The following IFNAR2 variants were observed in gnomAD, a reference collection of about 807,000 sequenced individuals.
IFNAR2 encodes interferon alpha and beta receptor subunit 2.
In IFNAR2, 30 loss-of-function variants were observed where a neutral mutation model predicts 49.4. That is an observed-to-expected ratio of 0.61 (90% confidence interval 0.45 to 0.82). IFNAR2 has a LOEUF of 0.82. Among genes scored for constraint, IFNAR2 ranks in the 40% least tolerant of loss-of-function variants. IFNAR2 has a pLI of 0.00. For synonymous variants in IFNAR2, 224 were observed against 234.5 expected, an observed-to-expected ratio of 0.96 and a Z score of 0.41; for missense variants, 600 against 622.7, an observed-to-expected ratio of 0.96 and a Z score of 0.39.
chr21:33,245,119 C>T, intron 4 of IFNAR2, 45 bp downstream of exon 4: 1 of 1,404,958 alleles, frequency 7.1e-7, no homozygotes, highest in Non-Finnish European at 1.0e-6. Context: ...TATTATTGTT[C>T]TGTTATATGG....
intron 1 of IFNAR2, among the ~76,000 whole-genome samples, chr21:33,233,603 C>T (rs2035255885): frequency 1.3e-5 from 2 of 152,076 alleles, no homozygotes; most frequent in Admixed American, 1.3e-4. Context: ...AAATGCCAGA[C>T]TATGATGGTT....
At chr21:33,234,886 A>G (rs754488542) in intron 1 of IFNAR2, 14 of 222,652 alleles carry the variant, frequency 6.3e-5, no homozygotes, top group Non-Finnish European at 8.3e-5. Flanking sequence ...TGGCTACTCC[A>G]TAGGCAGAGC....
At chr21:33,249,553 C>G (rs1987697919) in intron 6 of IFNAR2, among the ~76,000 whole-genome samples, 1 of 152,108 alleles carries the variant, frequency 6.6e-6, no homozygotes, top group Admixed American at 6.6e-5. Context: ...AGTGGCTTAT[C>G]TGGCAGGTTC....
At chr21:33,258,274 C>T (rs1431107305) in intron 7 of IFNAR2, among the ~76,000 whole-genome samples, 1 of 152,126 alleles carries the variant, frequency 6.6e-6, no homozygotes, top group East Asian at 1.9e-4. Flanking sequence ...CACTGTACTC[C>T]AGCCTGAGCT....
At chr21:33,236,113 C>G (rs1986431022) in intron 1 of IFNAR2, among the ~76,000 whole-genome samples, 1 of 152,088 alleles carries the variant, frequency 6.6e-6, no homozygotes, top group Non-Finnish European at 1.5e-5. Context: ...CCAGAAGAAG[C>G]AAACTGAAGC....
chr21:33,248,468 G>A (rs957549465), intron 5 of IFNAR2, among the ~76,000 whole-genome samples: 5 of 151,992 alleles, frequency 3.3e-5, no homozygotes. Context: ...TTAGTTCCAA[G>A]AATATCCCAT....
rs576036480 is a variant in IFNAR2 at position 33,235,144 on chromosome 21, G to A, written c.-84+4928G>A. On this transcript the variant is annotated intron_variant, in intron 1 of 8. Transcript: ENST00000342136. ...TAATTAGCATATGATAAGCAGTGAG[G>A]ACAGTTTTGTCACCATCTTGGTTTT... is the stretch of plus-strand genomic sequence containing the variant. 2.0e-4 allele frequency among the ~76,000 whole-genome samples: 30 copies of A among 152,298 alleles called. No homozygotes were observed. The South Asian group carries it at 6.2e-3, about 32-fold the overall frequency.
At chr21:33,254,606 G>A (rs1052624219) in intron 7 of IFNAR2, among the ~76,000 whole-genome samples, 1 of 152,150 alleles carries the variant, frequency 6.6e-6, no homozygotes, top group African/African-American at 2.4e-5. Context: ...GGCTTCATCT[G>A]CGTAATAGGA....
At chr21:33,248,370 A>T (rs1987593835) in intron 5 of IFNAR2, among the ~76,000 whole-genome samples, 1 of 123,698 alleles carries the variant, frequency 8.1e-6, no homozygotes. Flanking sequence ...AGAAAGAAAG[A>T]AAGTTAGGGG....
intron 8 of IFNAR2, 111 bp from the exon 9 acceptor site, chr21:33,262,682 A>G: frequency 1.4e-6 from 2 of 1,463,058 alleles, no homozygotes; most frequent in Non-Finnish European, 1.9e-6. Context: ...AGTAGCTGGG[A>G]TTACAAGCGT....
chr21:33,246,260 C>T (rs17860199), intron 4 of IFNAR2, among the ~76,000 whole-genome samples: 3,409 of 152,058 alleles, frequency 0.022, 144 homozygotes, highest in African/African-American at 0.078. Flanking sequence ...TTAGTAGAGA[C>T]GGGGTTTCAC....
In IFNAR2 at chr21:33,230,334, A is replaced by ACTC. The variant is rs368922144; in HGVS notation, c.-84+133_-84+135dup. 2.2e-4 allele frequency: 181 copies of ACTC among 837,400 alleles called. No homozygotes were observed. In the South Asian group the frequency reaches 3.0e-3, roughly 14 times the overall value. The allele number at this position is 837,400 out of a possible 1,614,324, so 51.9% of individuals were successfully genotyped here. ...CTCCGGTTCCCTCTCGCTCTCCCCG[A>ACTC]CTCCTCCTCCTCCTCCTGCCCTCCC... On this transcript the variant is annotated intron_variant, in intron 1 of 8. Coordinates refer to ENST00000342136, the MANE Select transcript of IFNAR2 (RefSeq NM_001289125.3). The surrounding 1 kb of genome is among the most constrained non-coding windows in gnomAD (Gnocchi z 5.5).
chr21:33,253,404 G>T (rs936387691), intron 7 of IFNAR2, among the ~76,000 whole-genome samples: 1 of 152,098 alleles, frequency 6.6e-6, no homozygotes, highest in Non-Finnish European at 1.5e-5. Flanking sequence ...ATCAAGCCTC[G>T]GAACTCCCTG....
At position 33,246,696 on chromosome 21, in the gene IFNAR2, T is replaced by A. The variant is rs370329504; in HGVS notation, c.222-22T>A. 1.3e-4 allele frequency: 201 copies of A among 1,598,890 alleles called. 1 individual carries two copies. Among genetic ancestry groups the A allele is most frequent in the Non-Finnish European group, 1.7e-4 (195 of 1,171,842 alleles). On this transcript the variant is annotated intron_variant, in intron 4 of 8. Transcript: ENST00000342136. ...TACATCAATGCTAACAATTTCCTTT[T>A]TCCATTTTTTTCTTTCCAAAGTAAA...
chr21:33,242,108 GA>G, intron 2 of IFNAR2, 131 bp downstream of exon 2: 2 of 713,050 alleles, frequency 2.8e-6, no homozygotes, highest in East Asian at 5.5e-5. Flanking sequence ...CTAGTGTCAG[GA>G]GTTAAGTGGA....
intron 2 of IFNAR2, 25 bp from the exon 3 acceptor site, chr21:33,243,648 C>G: frequency 6.2e-7 from 1 of 1,603,188 alleles, no homozygotes; most frequent in South Asian, 1.1e-5. Flanking sequence ...ACTATTGCCT[C>G]TCTAATGTGT....
chr21:33,245,952 C>T (rs1400737005), intron 4 of IFNAR2, among the ~76,000 whole-genome samples: 2 of 152,148 alleles, frequency 1.3e-5, no homozygotes, highest in African/African-American at 2.4e-5. Flanking sequence ...ATCATCTAGT[C>T]TTAGCCAGAG....
At chr21:33,232,240 G>A (rs1037491394) in intron 1 of IFNAR2, among the ~76,000 whole-genome samples, 1 of 152,164 alleles carries the variant, frequency 6.6e-6, no homozygotes, top group Non-Finnish European at 1.5e-5. Context: ...AGAGCTTGAC[G>A]GCACTGGCCC....
Position 33,229,952 on chromosome 21 carries a change from A to C in IFNAR2, c.-348A>C. The C allele has an allele frequency of 1.0e-6, 1 of 983,216 alleles. No homozygotes were observed. The allele number at this position is 983,216 out of a possible 1,614,324, so 60.9% of individuals were successfully genotyped here. On this transcript the variant is annotated 5_prime_UTR_variant, in exon 1 of 9. Transcript: ENST00000342136. ...CCCGCGCTTCCGTATCGCTCCTCGT[A>C]GGCCGGGGCTCGGCGCGCGCACCCG... is the stretch of plus-strand genomic sequence containing the variant.
Sources: allele counts gnomAD v4.1 joint callset (sites outside exome capture counted in the v4.1 genomes callset), GRCh38; gene constraint gnomAD v4.1.1; non-coding constraint Gnocchi (gnomAD v3.1); transcripts MANE v1.5; gene names NCBI Gene and HGNC (gene_info 2026-07-23, HGNC 2026-07-21).